Variants in FRMD4A observed in about 807,000 individuals in gnomAD.
FRMD4A encodes FERM domain containing 4A.
In FRMD4A, 29 loss-of-function variants were observed where a neutral mutation model predicts 129.1. The observed-to-expected ratio is 0.22, with a 90% confidence interval of 0.17 to 0.31. The LOEUF is 0.31. Ranked by LOEUF, FRMD4A falls within the 10% of genes least tolerant of loss-of-function variation. The pLI is 1.00. For synonymous variants in FRMD4A, 634 were observed against 571.6 expected (o/e 1.11, Z -1.56); for missense variants, 1,272 against 1,375.8 (o/e 0.92, Z 1.19).
At chr10:14,031,634 T>C (rs1397530991) in intron 2 of FRMD4A, among the ~76,000 whole-genome samples, 2 of 152,062 alleles carry the variant, frequency 1.3e-5, no homozygotes, top group East Asian at 3.9e-4. Context: ...CCTTCCGGAG[T>C]TGTTTAGAGA....
chr10:14,094,626 T>C (rs775850114), intron 2 of FRMD4A, among the ~76,000 whole-genome samples: 42 of 152,184 alleles, frequency 2.8e-4, no homozygotes, highest in Non-Finnish European at 5.6e-4. Context: ...CATGTGGCCC[T>C]GCTGGAAAAA....
chr10:14,005,520 C>T (rs779471232), intron 2 of FRMD4A, among the ~76,000 whole-genome samples: 1 of 152,168 alleles, frequency 6.6e-6, no homozygotes, highest in Non-Finnish European at 1.5e-5. Flanking sequence ...CGAACCTGGG[C>T]ACCTAAGGGG....
At chr10:13,978,542 C>T (rs533452980) in intron 2 of FRMD4A, among the ~76,000 whole-genome samples, 1 of 152,132 alleles carries the variant, frequency 6.6e-6, no homozygotes, top group Non-Finnish European at 1.5e-5. Context: ...AGCACTGGTA[C>T]GGCTAACTGA....
intron 2 of FRMD4A, among the ~76,000 whole-genome samples, chr10:14,015,572 G>A (rs990249487): frequency 6.6e-6 from 1 of 152,100 alleles, no homozygotes. Flanking sequence ...CTGTGGGAGA[G>A]GGTGTGGTGT....
intron 2 of FRMD4A, among the ~76,000 whole-genome samples, chr10:14,000,694 C>G (rs1175734580): frequency 7.5e-6 from 1 of 132,556 alleles, no homozygotes; most frequent in Non-Finnish European, 1.6e-5. Flanking sequence ...TCCCCTTTCT[C>G]CTTGAGAACA....
intron 2 of FRMD4A, among the ~76,000 whole-genome samples, chr10:13,920,014 A>G (rs1054094957): frequency 3.9e-5 from 6 of 152,194 alleles, no homozygotes; most frequent in East Asian, 1.9e-4. Flanking sequence ...TACATAACAC[A>G]ATAGGGACCA....
intron 2 of FRMD4A, among the ~76,000 whole-genome samples, chr10:13,924,627 A>T (rs1476919487): frequency 6.6e-6 from 1 of 151,980 alleles, no homozygotes; most frequent in Non-Finnish European, 1.5e-5. Context: ...TTTCTTCATG[A>T]TGTTACTTAT....
chr10:13,983,960 G>T (rs560190712), intron 2 of FRMD4A, among the ~76,000 whole-genome samples: 2 of 151,680 alleles, frequency 1.3e-5, no homozygotes, highest in African/African-American at 4.8e-5. Flanking sequence ...CCGAGACTGC[G>T]CCACTGTACT....
chr10:14,280,369 C>T (rs1845478425), intron 2 of FRMD4A, among the ~76,000 whole-genome samples: 1 of 151,814 alleles, frequency 6.6e-6, no homozygotes, highest in African/African-American at 2.4e-5. Flanking sequence ...TGGCCTAAAA[C>T]TCTTGAGCTC....
chr10:13,670,413 T>C lies in FRMD4A; in HGVS notation c.1367A>G (p.Lys456Arg), dbSNP rs368357482. 4.4e-5 allele frequency: 71 copies of C among 1,612,746 alleles called. No individual in the cohort carries two copies. Among genetic ancestry groups the C allele is most frequent in the Non-Finnish European group, 6.0e-5 (71 of 1,179,258 alleles). Reference protein sequence around the residue: ...FKLDEQKILPKGEEAELERLE... With the variant: ...FKLDEQKILPRGEEAELERLE... The stretch of plus-strand genomic sequence containing the variant: ...CAGAAAGGAAGGACGCACCTCTCCT[T>C]TGGGCAGGATTTTCTGTTCATCCAG... The change falls in exon 17 of 25, where the codon AAA (lysine) becomes AGA (arginine). Residue 456 changes from lysine (K) to arginine (R), a missense_variant. By Grantham distance (26) the Lys-to-Arg change is conservative. Coordinates refer to ENST00000357447, the MANE Select transcript of FRMD4A (RefSeq NM_018027.5).
At chr10:14,110,219 A>C (rs924908230) in intron 2 of FRMD4A, among the ~76,000 whole-genome samples, 1 of 150,700 alleles carries the variant, frequency 6.6e-6, no homozygotes, top group African/African-American at 2.4e-5. Flanking sequence ...TAAAAAAAAA[A>C]CAAGTATGCA....
chr10:13,838,110 G>T (rs2093904457), intron 3 of FRMD4A, among the ~76,000 whole-genome samples: 1 of 152,136 alleles, frequency 6.6e-6, no homozygotes, highest in Non-Finnish European at 1.5e-5. Flanking sequence ...TTATTTAGAG[G>T]TAGGATCTTG....
At position 13,740,583 on chromosome 10, in the gene FRMD4A, A is replaced by G. The variant is rs748378282; in HGVS notation, c.549-6T>C. On this transcript the variant is annotated splice_region_variant and splice_polypyrimidine_tract_variant and intron_variant, in intron 9 of 24. Coordinates refer to ENST00000357447, the MANE Select transcript of FRMD4A (RefSeq NM_018027.5). ...GCTCAATGACTCTGTCTTCACTGTA[A>G]TTAGAAGAAAAGAATGCTGTTGTTG... The G allele has an allele frequency of 4.6e-6, 7 of 1,506,430 alleles. No individual in the cohort carries two copies. Among genetic ancestry groups the G allele is most frequent in the Non-Finnish European group, 6.4e-6 (7 of 1,091,316 alleles). 93.3% of individuals were successfully genotyped at this position (1,506,430 alleles called of 1,614,324 possible).
chr10:14,128,036 CT>C (rs1564319858), intron 2 of FRMD4A, among the ~76,000 whole-genome samples: 1,821 of 129,836 alleles, frequency 0.014, 57 homozygotes, highest in Admixed American at 0.031. Flanking sequence ...TCCTTCCTTC[CT>C]TTCTTTCCCT....
intron 2 of FRMD4A, among the ~76,000 whole-genome samples, chr10:14,112,365 G>A (rs951077066): frequency 6.6e-6 from 1 of 152,130 alleles, no homozygotes; most frequent in Non-Finnish European, 1.5e-5. Flanking sequence ...AGAGGAGAGG[G>A]TAGAAGACGA....
intron 2 of FRMD4A, among the ~76,000 whole-genome samples, chr10:14,203,322 T>C (rs150370627): frequency 2.0e-5 from 3 of 152,358 alleles, no homozygotes; most frequent in African/African-American, 7.2e-5. Flanking sequence ...TCTCAACATT[T>C]GGTAGAGATG....
At chr10:13,791,226 C>A (rs999536869) in intron 5 of FRMD4A, among the ~76,000 whole-genome samples, 1 of 152,078 alleles carries the variant, frequency 6.6e-6, no homozygotes, top group Non-Finnish European at 1.5e-5. Context: ...GTATCTGGGA[C>A]CTGAAGCAAG....
At chr10:13,938,773 C>T (rs1362384627) in intron 2 of FRMD4A, among the ~76,000 whole-genome samples, 1 of 152,216 alleles carries the variant, frequency 6.6e-6, no homozygotes, top group African/African-American at 2.4e-5. Flanking sequence ...ATGGAAGGTG[C>T]TACCAGCATC....
intron 2 of FRMD4A, among the ~76,000 whole-genome samples, chr10:14,016,883 A>G (rs780578584): frequency 6.6e-6 from 1 of 152,260 alleles, no homozygotes; most frequent in Non-Finnish European, 1.5e-5. Context: ...TCTGTGTCAG[A>G]AGGCCTTGCC....
Sources: gnomAD v4.1 joint callset for allele counts (sites outside exome capture counted in the v4.1 genomes callset) on GRCh38, gnomAD v4.1.1 for gene constraint, MANE v1.5 for transcripts, NCBI Gene and HGNC (gene_info 2026-07-23, HGNC 2026-07-21) for gene names.